Variants in PTPN12 observed in about 807,000 individuals in gnomAD.
PTPN12 encodes tyrosine-protein phosphatase non-receptor type 12.
PTPN12 carries 29 observed loss-of-function variants against 97.6 expected under a neutral mutation model. The observed-to-expected ratio is 0.30, with a 90% CI of 0.22 to 0.41. PTPN12 has a LOEUF of 0.41. Among genes scored for constraint, PTPN12 ranks in the 10% least tolerant of loss-of-function variants. The pLI, the probability that PTPN12 is intolerant of heterozygous loss-of-function variation, is 1.00. For missense variants in PTPN12, 819 were observed against 926.0 expected, an observed-to-expected ratio of 0.88 and a Z score of 1.50; for synonymous variants, 327 against 300.4, an observed-to-expected ratio of 1.09 and a Z score of -0.91.
intron 1 of PTPN12, among the ~76,000 whole-genome samples, chr7:77,560,279 C>A (rs149796929): frequency 6.6e-6 from 1 of 152,112 alleles, no homozygotes; most frequent in African/African-American, 2.4e-5. Context: ...ACTTTAATGG[C>A]GCTTGCCTGC....
At chr7:77,638,918 A>G (rs1050052769) in intron 17 of PTPN12, 187 bp downstream of exon 17, 8 of 1,016,322 alleles carry the variant, frequency 7.9e-6, no homozygotes, top group Non-Finnish European at 1.1e-5. Flanking sequence ...CTAAAATAGA[A>G]AACTGCAGTA....
intron 2 of PTPN12, among the ~76,000 whole-genome samples, chr7:77,580,106 A>C (rs1319162961): frequency 6.6e-6 from 1 of 152,206 alleles, no homozygotes; most frequent in Non-Finnish European, 1.5e-5. Context: ...CCATCAGTAG[A>C]GTAGCTAAAT....
At chr7:77,613,167 G>GTTTTT (rs576216122) in intron 11 of PTPN12, among the ~76,000 whole-genome samples, 51 of 88,546 alleles carry the variant, frequency 5.8e-4, no homozygotes, top group Non-Finnish European at 8.1e-4. Context: ...TAATTTTTGG[G>GTTTTT]TTTTTTTTTT....
intron 9 of PTPN12, among the ~76,000 whole-genome samples, chr7:77,608,142 A>G (rs577037836): frequency 1.1e-4 from 16 of 152,308 alleles, no homozygotes; most frequent in East Asian, 1.9e-4. Context: ...ATTGTAGTCT[A>G]TGAATGCTGA....
At chr7:77,638,567 T>C (rs887494511) in intron 16 of PTPN12, 57 bp from the exon 17 acceptor site, 31 of 1,485,598 alleles carry the variant, frequency 2.1e-5, no homozygotes, top group African/African-American at 4.3e-5. Context: ...TAAAGAGTTA[T>C]ATATATATGA....
At chr7:77,578,617 A>G (rs1562724679) in intron 2 of PTPN12, among the ~76,000 whole-genome samples, 1 of 152,190 alleles carries the variant, frequency 6.6e-6, no homozygotes, top group African/African-American at 2.4e-5. Flanking sequence ...TGAAAAATAA[A>G]TTAGTTACTA....
intron 12 of PTPN12, among the ~76,000 whole-genome samples, chr7:77,620,295 G>C (rs763120938): frequency 4.0e-4 from 61 of 152,016 alleles, no homozygotes; most frequent in Non-Finnish European, 7.1e-4. Flanking sequence ...TTTTACTTCT[G>C]TTACTCTCTA....
intron 2 of PTPN12, among the ~76,000 whole-genome samples, chr7:77,578,662 T>C (rs1787412956): frequency 6.6e-6 from 1 of 152,224 alleles, no homozygotes; most frequent in Non-Finnish European, 1.5e-5. Context: ...AAGAAGTTTA[T>C]TCATGTCTGT....
chr7:77,561,989 A>G (rs550539580), intron 1 of PTPN12, among the ~76,000 whole-genome samples: 59 of 150,906 alleles, frequency 3.9e-4, no homozygotes, highest in African/African-American at 1.3e-3. Context: ...ACGGGGTTTC[A>G]CCGTGTTAGC....
intron 5 of PTPN12, among the ~76,000 whole-genome samples, chr7:77,588,025 T>C (rs1033176647): frequency 1.3e-5 from 2 of 152,220 alleles, no homozygotes; most frequent in Non-Finnish European, 2.9e-5. Context: ...TTTGATCTTC[T>C]ATCTAGACCA....
intron 12 of PTPN12, among the ~76,000 whole-genome samples, chr7:77,621,950 C>T (rs1158835712): frequency 2.0e-5 from 3 of 151,946 alleles, no homozygotes; most frequent in African/African-American, 2.4e-5. Context: ...TTTAATATTC[C>T]AATTCTTTCT....
chr7:77,567,922 C>G (rs1808326092), intron 1 of PTPN12, among the ~76,000 whole-genome samples: 1 of 152,140 alleles, frequency 6.6e-6, no homozygotes, highest in Non-Finnish European at 1.5e-5. Context: ...AATTGTCACA[C>G]AGCTAAGAAA....
chr7:77,627,639 A>G lies in PTPN12; in HGVS notation c.1960A>G (p.Asn654Asp). The change falls in exon 13 of 18, where the codon AAT becomes GAT. Residue 654 changes from asparagine (N) to aspartate (D), a missense_variant. By Grantham distance (23) the Asn-to-Asp change is conservative. This residue lies in a region of PTPN12 where 607 missense variants were observed against 577.3 expected (regional missense o/e 1.05). Coordinates refer to ENST00000248594, the MANE Select transcript of PTPN12 (RefSeq NM_002835.4). Reference sequence around the variant, plus strand: ...ATTGCCAATGTCCATTGCTAGACATAATATAGCAGGAACAACACATTCAGG... The same window carrying G: ...ATTGCCAATGTCCATTGCTAGACATGATATAGCAGGAACAACACATTCAGG... ...KVLPMSIARH[N>D]IAGTTHSGAE... 1 of 1,597,812 alleles carries G rather than the reference A, an allele frequency of 6.3e-7. No individual in the cohort carries two copies. Among genetic ancestry groups the G allele is most frequent in the Non-Finnish European group, 8.5e-7 (1 of 1,172,550 alleles).
At chr7:77,637,992 C>G (rs1562769268) in intron 16 of PTPN12, among the ~76,000 whole-genome samples, 2 of 95,828 alleles carry the variant, frequency 2.1e-5, no homozygotes, top group East Asian at 3.8e-4. Context: ...AGGTCTTGCT[C>G]TGTCGCCCAG....
Position 77,625,472 on chromosome 7 carries a change from G to GCTCGCGCGCGCTCTCTCTCTCTCT in PTPN12, c.1026-1230_1026-1229insGCGCGCGCTCTCTCTCTCTCTCTC. Among the ~76,000 whole-genome samples, 322 of 33,512 alleles carry GCTCGCGCGCGCTCTCTCTCTCTCT rather than the reference G, an allele frequency of 9.6e-3. 48 individuals carry two copies. The highest frequency in any genetic ancestry group is 0.015 in the South Asian group (11 of 714). 22.0% of individuals were successfully genotyped at this position (33,512 alleles called of 152,430 possible). A position where few individuals can be genotyped will look rare whatever the true frequency, so the allele number is the denominator to read the frequency against. On this transcript the variant is annotated intron_variant, in intron 12 of 17. Coordinates refer to ENST00000248594, the MANE Select transcript of PTPN12 (RefSeq NM_002835.4). The stretch of plus-strand genomic sequence containing the variant: ...TTTTGCCATATTGCCCAGGCTGCTC[G>GCTCGCGCGCGCTCTCTCTCTCTCT]CTCTCTCTCTCTCTCTCTCTCTCTC...
At chr7:77,630,209 G>C (rs1789350351) in intron 13 of PTPN12, among the ~76,000 whole-genome samples, 1 of 152,080 alleles carries the variant, frequency 6.6e-6, no homozygotes, top group African/African-American at 2.4e-5. Context: ...TTACTTTATA[G>C]ATTGTTTATT....
At position 77,627,555 on chromosome 7, in the gene PTPN12, A is replaced by G. The variant is rs756650580; in HGVS notation, c.1876A>G (p.Thr626Ala). ...AVTQNKTNIS[T>A]ASATVSAATS... is the part of the protein sequence containing the mutation. ...GACCCAGAATAAAACTAATATTTCA[A>G]CAGCAAGTGCCACAGTTTCTGCTGC... Residue 626 changes from threonine to alanine, a missense_variant, in exon 13 of 18, where the codon ACA becomes GCA. This residue lies in a region of PTPN12 where 607 missense variants were observed against 577.3 expected (regional missense o/e 1.05). Transcript: ENST00000248594. 2.4e-5 allele frequency: 39 copies of G among 1,614,000 alleles called. No homozygotes were observed. The highest frequency in any genetic ancestry group is 3.3e-5 in the Non-Finnish European group (39 of 1,180,024).
Position 77,581,523 on chromosome 7 carries a change from G to T in PTPN12, c.285+20G>T. On this transcript the variant is annotated intron_variant, in intron 3 of 17. Transcript: ENST00000248594. Reference sequence around the variant, plus strand: ...ATAAAGGTATGTACTAACTTTAAATGGTGTTTCTCTGCCATATTAATGTCT... The same window carrying T: ...ATAAAGGTATGTACTAACTTTAAATTGTGTTTCTCTGCCATATTAATGTCT... 1 of 1,443,834 alleles carries T rather than the reference G, an allele frequency of 6.9e-7. No individual in the cohort carries two copies. The highest frequency in any genetic ancestry group is 1.2e-5 in the South Asian group (1 of 80,144). The allele number at this position is 1,443,834 out of a possible 1,614,324, so 89.4% of individuals were successfully genotyped here. A position where few individuals can be genotyped will look rare whatever the true frequency, so the allele number is the denominator to read the frequency against.
At chr7:77,583,131 G>A (rs1356985316) in intron 3 of PTPN12, among the ~76,000 whole-genome samples, 1 of 152,074 alleles carries the variant, frequency 6.6e-6, no homozygotes, top group African/African-American at 2.4e-5. Context: ...ATAAACTTTT[G>A]AGTTGAATAG....
Sources: gnomAD v4.1 joint callset for allele counts (sites outside exome capture counted in the v4.1 genomes callset) on GRCh38, gnomAD v4.1.1 for gene constraint, gnomAD v4.1.1 regional missense constraint, MANE v1.5 for transcripts, NCBI Gene and HGNC (gene_info 2026-07-23, HGNC 2026-07-21) for gene names.